The following ADD1 variants were observed in gnomAD, a reference collection of about 807,000 sequenced individuals.
ADD1 encodes adducin 1.
A neutral mutation model predicts 80.5 loss-of-function variants in ADD1; 24 were observed. The ratio of observed to expected loss-of-function variants is 0.30; its 90% CI spans 0.22 to 0.42. The LOEUF (loss-of-function observed/expected upper bound fraction) is 0.42. Among genes scored for constraint, ADD1 ranks in the 10% least tolerant of loss-of-function variants. The pLI, the probability that ADD1 is intolerant of heterozygous loss-of-function variation, is 1.00. For missense variants in ADD1, 948 were observed against 1,019.0 expected (o/e 0.93, Z 0.95); for synonymous variants, 373 against 393.8 (o/e 0.95, Z 0.63).
chr4:2,882,685 A>T (rs138499245), intron 3 of ADD1, among the ~76,000 whole-genome samples: 4 of 152,322 alleles, frequency 2.6e-5, no homozygotes, highest in African/African-American at 9.6e-5. Context: ...GACATTTGCT[A>T]TTTACCTGTC....
intron 1 of ADD1, among the ~76,000 whole-genome samples, chr4:2,864,463 A>G (rs1347407023): frequency 1.3e-5 from 2 of 152,260 alleles, no homozygotes; most frequent in Admixed American, 6.5e-5. Context: ...ATTGTAAAAT[A>G]TAAAACTTTA....
At chr4:2,875,271 C>T (rs1731099450) in intron 1 of ADD1, among the ~76,000 whole-genome samples, 1 of 152,068 alleles carries the variant, frequency 6.6e-6, no homozygotes, top group Non-Finnish European at 1.5e-5. Flanking sequence ...GCCATATTCA[C>T]AGAATTTTAA....
chr4:2,855,338 ACTTT>A (rs1221547954), intron 1 of ADD1, among the ~76,000 whole-genome samples: 3 of 151,892 alleles, frequency 2.0e-5, no homozygotes, highest in Middle Eastern at 3.2e-3. Flanking sequence ...ATAAATTTGT[ACTTT>A]CTTTATCATC....
intron 9 of ADD1, 138 bp downstream of exon 9, chr4:2,899,573 G>A (rs775525576): frequency 2.1e-6 from 2 of 931,698 alleles, no homozygotes. Flanking sequence ...AGAAGCACTA[G>A]GGTTGTTTAA....
At chr4:2,908,405 G>A in intron 11 of ADD1, 110 bp from the exon 12 acceptor site, 1 of 919,972 alleles carries the variant, frequency 1.1e-6, no homozygotes. Context: ...CAGTGGGAGA[G>A]CTGAAATGTA....
chr4:2,858,354 A>G (rs1263361), intron 1 of ADD1, among the ~76,000 whole-genome samples: 2,394 of 152,344 alleles, frequency 0.016, 56 homozygotes, highest in African/African-American at 0.049. Context: ...TCTTAAACCA[A>G]GGAAGTAGAT....
intron 1 of ADD1, among the ~76,000 whole-genome samples, chr4:2,859,420 T>C (rs187161388): frequency 6.6e-6 from 1 of 152,344 alleles, no homozygotes; most frequent in African/African-American, 2.4e-5. Flanking sequence ...ACTATTTTTT[T>C]CAGATGTGTA....
chr4:2,912,905 C>T (rs1050699181), intron 13 of ADD1, among the ~76,000 whole-genome samples: 2 of 152,060 alleles, frequency 1.3e-5, no homozygotes, highest in East Asian at 1.9e-4. Flanking sequence ...AGTGCAGTGG[C>T]GCAATCTCGG....
intron 13 of ADD1, among the ~76,000 whole-genome samples, chr4:2,913,936 G>A (rs896961963): frequency 5.9e-5 from 9 of 152,040 alleles, no homozygotes; most frequent in African/African-American, 2.2e-4. Flanking sequence ...GCGGGCGCCT[G>A]TAGTCCCAGC....
intron 13 of ADD1, among the ~76,000 whole-genome samples, chr4:2,914,474 A>G (rs1261929345): frequency 6.6e-6 from 1 of 152,232 alleles, no homozygotes; most frequent in Non-Finnish European, 1.5e-5. Context: ...CCTTACGCTG[A>G]GTGCTGTACC....
Position 2,926,430 on chromosome 4 carries a change from G to A in ADD1, c.2047+318G>A. The stretch of plus-strand genomic sequence containing the variant: ...TCATGCAGATGCCACCTTCGGAGGT[G>A]CCCTCCGCTGTGTGAGCCACACGCC... On this transcript the variant is annotated intron_variant, in intron 15 of 15. Transcript: ENST00000683351. This position sits in a 1 kb window ranked among gnomAD's most constrained non-coding sequence, Gnocchi z 5.0. 1.4e-6 allele frequency: 1 copy of A among 690,216 alleles called. No homozygotes were observed. Among genetic ancestry groups the A allele is most frequent in the Middle Eastern group, 2.5e-4 (1 of 3,984 alleles). 42.8% of individuals were successfully genotyped at this position (690,216 alleles called of 1,614,324 possible).
At chr4:2,906,447 G>A (rs1223896986) in intron 10 of ADD1, among the ~76,000 whole-genome samples, 1 of 151,662 alleles carries the variant, frequency 6.6e-6, no homozygotes, top group East Asian at 1.9e-4. Context: ...GCACAGTGCT[G>A]AATTGCCATG....
chr4:2,914,834 G>C (rs767254714), intron 13 of ADD1, 50 bp from the exon 14 acceptor site: 2 of 1,539,432 alleles, frequency 1.3e-6, no homozygotes, highest in Non-Finnish European at 1.7e-6. Flanking sequence ...AGGAGGGAGA[G>C]TCCCCATCGG....
In ADD1 at chr4:2,912,578, G is replaced by C. The variant is rs189472213; in HGVS notation, c.1792-2306G>C. On this transcript the variant is annotated intron_variant, in intron 13 of 15. Transcript: ENST00000683351. Reference sequence around the variant, plus strand: ...GCATCTTACTCTGGCCCATGCTGGAGTGCAGTAGTGCAATCACAGCTCACT... The same window carrying C: ...GCATCTTACTCTGGCCCATGCTGGACTGCAGTAGTGCAATCACAGCTCACT... 8.5e-5 allele frequency among the ~76,000 whole-genome samples: 13 copies of C among 152,268 alleles called. No individual in the cohort carries two copies. In the East Asian group the frequency reaches 1.9e-3, roughly 23 times the overall value.
intron 1 of ADD1, among the ~76,000 whole-genome samples, chr4:2,851,799 A>AG (rs1727119008): frequency 6.6e-6 from 1 of 151,892 alleles, no homozygotes; most frequent in African/African-American, 2.4e-5. Context: ...ACCAGTCTTT[A>AG]GGGGGGAAAT....
chr4:2,862,389 C>G (rs1471779547), intron 1 of ADD1, among the ~76,000 whole-genome samples: 1 of 152,206 alleles, frequency 6.6e-6, no homozygotes, highest in Admixed American at 6.5e-5. Flanking sequence ...ACAGGATGCT[C>G]TTTTCTTAGC....
intron 14 of ADD1, among the ~76,000 whole-genome samples, chr4:2,919,047 G>A (rs1739560752): frequency 6.6e-6 from 1 of 151,878 alleles, no homozygotes; most frequent in African/African-American, 2.4e-5. Context: ...CACCATGTTG[G>A]CCAGGATGGT....
intron 11 of ADD1, among the ~76,000 whole-genome samples, 160 bp downstream of exon 11, chr4:2,908,004 C>A (rs2109080206): frequency 6.6e-6 from 1 of 152,326 alleles, no homozygotes; most frequent in East Asian, 1.9e-4. Context: ...TGTTCTACCA[C>A]CAGTGTGAAG....
At chr4:2,912,427 G>A (rs1351903323) in intron 13 of ADD1, among the ~76,000 whole-genome samples, 1 of 152,166 alleles carries the variant, frequency 6.6e-6, no homozygotes, top group Admixed American at 6.5e-5. Context: ...GCTGTGCCTC[G>A]GGCTTCAGCT....
Sources: allele counts gnomAD v4.1 joint callset (sites outside exome capture counted in the v4.1 genomes callset), GRCh38; gene constraint gnomAD v4.1.1; non-coding constraint Gnocchi (gnomAD v3.1); transcripts MANE v1.5; gene names NCBI Gene and HGNC (gene_info 2026-07-23, HGNC 2026-07-21).